COL4A1: variants seen among roughly 807,000 people sequenced by gnomAD.
COL4A1 encodes the protein collagen alpha-1(IV) chain.
In COL4A1, 40 loss-of-function variants were observed where a neutral mutation model predicts 216.6. The ratio of observed to expected loss-of-function variants is 0.18; its 90% CI spans 0.14 to 0.24. The LOEUF (loss-of-function observed/expected upper bound fraction) is 0.24, where lower values mean the gene tolerates loss of function less well. COL4A1 is among the 10% of genes least tolerant of loss of function. COL4A1 has a pLI of 1.00. For missense variants in COL4A1, 1,628 were observed against 2,196.8 expected, an observed-to-expected ratio of 0.74 and a Z score of 5.18; for synonymous variants, 839 against 810.7, an observed-to-expected ratio of 1.03 and a Z score of -0.59.
At chr13:110,221,818 C>G (rs1880493670) in intron 2 of COL4A1, among the ~76,000 whole-genome samples, 1 of 152,074 alleles carries the variant, frequency 6.6e-6, no homozygotes, top group South Asian at 2.1e-4. Context: ...CCAGAGCAGT[C>G]AGATTTCCAC....
chr13:110,304,800 A>T lies in COL4A1; in HGVS notation c.84+2144T>A, dbSNP rs553444002. 2.6e-5 allele frequency among the ~76,000 whole-genome samples: 4 copies of T among 152,380 alleles called. No individual in the cohort carries two copies. The South Asian group carries it at 8.3e-4, about 32-fold the overall frequency. On this transcript the variant is annotated intron_variant, in intron 1 of 51. Coordinates refer to ENST00000375820, the MANE Select transcript of COL4A1 (RefSeq NM_001845.6). ...ATTCATGCCTGGCACACAGCAGGTG[A>T]TGTCTGGATGTACAAATGCAGGTGA...
At chr13:110,263,319 T>C (rs1882900823) in intron 1 of COL4A1, among the ~76,000 whole-genome samples, 1 of 152,144 alleles carries the variant, frequency 6.6e-6, no homozygotes, top group Admixed American at 6.5e-5. Context: ...AATCAAGAAG[T>C]ATTGGGAAAA....
chr13:110,240,117 C>A (rs1221524528), intron 2 of COL4A1, among the ~76,000 whole-genome samples: 1 of 152,162 alleles, frequency 6.6e-6, no homozygotes, highest in Non-Finnish European at 1.5e-5. Flanking sequence ...CTTCTGAATC[C>A]ATTCAATCAT....
rs555633221 is a variant in COL4A1, at chr13:110,162,780, G to A, written c.4250-338C>T. Among the ~76,000 whole-genome samples the A allele has an allele frequency of 1.3e-4, 20 of 152,318 alleles. No individual in the cohort carries two copies. The South Asian group carries it at 1.7e-3, about 13-fold the overall frequency. ...GAATAAATGAAAATAAATGAATGAC[G>A]TGACTCTGTGCATGTCATTCACACG... On this transcript the variant is annotated intron_variant, in intron 47 of 51. Transcript: ENST00000375820.
intron 1 of COL4A1, among the ~76,000 whole-genome samples, chr13:110,280,777 G>A (rs1485661966): frequency 6.6e-6 from 1 of 152,132 alleles, no homozygotes; most frequent in Non-Finnish European, 1.5e-5. Flanking sequence ...GAATATAAAT[G>A]TGAAGGAGAA....
At chr13:110,305,224 C>T (rs1180790504) in intron 1 of COL4A1, among the ~76,000 whole-genome samples, 1 of 152,168 alleles carries the variant, frequency 6.6e-6, no homozygotes, top group Non-Finnish European at 1.5e-5. Flanking sequence ...TAAAAACAGT[C>T]CATGGCACCT....
rs1879574075 is a variant in COL4A1 at position 110,207,540 on chromosome 13, A to G, written c.694-51T>C. The G allele has an allele frequency of 1.4e-6, 2 of 1,479,316 alleles. No individual in the cohort carries two copies. Among genetic ancestry groups the G allele is most frequent in the African/African-American group, 2.8e-5 (2 of 72,298 alleles). 91.6% of individuals were successfully genotyped at this position (1,479,316 alleles called of 1,614,324 possible). ...ATTAGGCATGAAAACAATTATGCAG[A>G]CATGAAAAATTGCAGAGAGAGGTAA... On this transcript the variant is annotated intron_variant, in intron 12 of 51. Coordinates refer to ENST00000375820, the MANE Select transcript of COL4A1 (RefSeq NM_001845.6). The surrounding 1 kb of genome is among the most constrained non-coding windows in gnomAD (Gnocchi z 4.4).
intron 1 of COL4A1, among the ~76,000 whole-genome samples, chr13:110,291,906 T>G (rs1884104881): frequency 6.6e-6 from 1 of 152,188 alleles, no homozygotes; most frequent in Non-Finnish European, 1.5e-5. Flanking sequence ...AGATTCTACA[T>G]GGCGATGCTC....
At chr13:110,224,552 A>C (rs558780603) in intron 2 of COL4A1, among the ~76,000 whole-genome samples, 1 of 152,148 alleles carries the variant, frequency 6.6e-6, no homozygotes. Flanking sequence ...TGAACTCCTG[A>C]CCTCAGGTAA....
chr13:110,176,016 CT>C lies in COL4A1; in HGVS notation c.3058+407del, dbSNP rs1410136828. The stretch of plus-strand genomic sequence containing the variant: ...AGACACTGATGGCAAAGCATTAAGG[CT>C]AGTCCGGGATTGGAGCAGAGGAGTC... On this transcript the variant is annotated intron_variant, in intron 36 of 51. Transcript: ENST00000375820. 7.5e-3 allele frequency among the ~76,000 whole-genome samples: 1,147 copies of C among 152,278 alleles called. 13 individuals carry two copies. Among genetic ancestry groups the C allele is most frequent in the African/African-American group, 0.026 (1,060 of 41,554 alleles).
intron 1 of COL4A1, among the ~76,000 whole-genome samples, chr13:110,301,891 C>T (rs924372760): frequency 6.6e-6 from 1 of 152,114 alleles, no homozygotes; most frequent in African/African-American, 2.4e-5. Flanking sequence ...AGAGGGGGAA[C>T]CCCAGTGAGA....
intron 43 of COL4A1, among the ~76,000 whole-genome samples, chr13:110,167,868 T>C (rs186276004): frequency 4.7e-4 from 71 of 152,338 alleles, no homozygotes; most frequent in Non-Finnish European, 8.8e-4. Context: ...CGTAGATTTG[T>C]TTCTTAGCCT....
Position 110,152,437 on chromosome 13 carries a change from T to C in COL4A1, c.4825A>G (p.Arg1609Gly). The change falls in exon 51 of 52, where the codon AGA becomes GGA. Residue 1609 changes from arginine (R) to glycine (G), a missense_variant. Around this residue, in one of 8 missense-constraint regions of COL4A1, gnomAD observed 254 missense variants for 300.1 expected, o/e 0.85. Coordinates refer to ENST00000375820, the MANE Select transcript of COL4A1 (RefSeq NM_001845.6). ...TGACACTCGATGAATGGCGCACTTC[T>C]AAACTCCTCCAGGCAGGAGCCGGGG... ...ASPGSCLEEF[R>G]SAPFIECHGR... The C allele has an allele frequency of 6.2e-7, 1 of 1,614,164 alleles. No homozygotes were observed. Among genetic ancestry groups the C allele is most frequent in the Non-Finnish European group, 8.5e-7 (1 of 1,180,036 alleles).
At chr13:110,220,176 G>C (rs1880406248) in intron 2 of COL4A1, among the ~76,000 whole-genome samples, 2 of 151,944 alleles carry the variant, frequency 1.3e-5, no homozygotes, top group African/African-American at 4.8e-5. Context: ...AACCTCATGT[G>C]ATTTGTCCGC....
chr13:110,240,706 G>A (rs534577826), intron 2 of COL4A1, among the ~76,000 whole-genome samples: 26 of 152,350 alleles, frequency 1.7e-4, no homozygotes, highest in Non-Finnish European at 2.8e-4. Context: ...TAGCCCACTC[G>A]GAGTGGAAGC....
chr13:110,290,779 T>C (rs1354282749), intron 1 of COL4A1, among the ~76,000 whole-genome samples: 2 of 152,248 alleles, frequency 1.3e-5, no homozygotes, highest in Non-Finnish European at 2.9e-5. Context: ...TATAACTGGT[T>C]GTGATCAATG....
In COL4A1 at chr13:110,225,029, CT is replaced by C. The variant is rs113325782; in HGVS notation, c.145-11015del. On this transcript the variant is annotated intron_variant, in intron 2 of 51. Transcript: ENST00000375820. ...TCATTGGCAATTAAGAAAAACCTTT[CT>C]TTTTTTTTTCCTTAAAAATGTGTTA... is the stretch of plus-strand genomic sequence containing the variant. Among the ~76,000 whole-genome samples the C allele has an allele frequency of 2.1e-3, 316 of 149,834 alleles. 1 individual carries two copies. The highest frequency in any genetic ancestry group is 6.7e-3 in the African/African-American group (274 of 40,908).
chr13:110,260,819 G>A (rs1357127261), intron 1 of COL4A1, among the ~76,000 whole-genome samples: 1 of 152,030 alleles, frequency 6.6e-6, no homozygotes, highest in Non-Finnish European at 1.5e-5. Context: ...GGAGGCCGAG[G>A]CAGGCAGATC....
At chr13:110,267,912 C>T (rs1471447592) in intron 1 of COL4A1, among the ~76,000 whole-genome samples, 1 of 151,856 alleles carries the variant, frequency 6.6e-6, no homozygotes, top group Non-Finnish European at 1.5e-5. Context: ...ATATGTAGGT[C>T]AGGATTTTAA....
Sources: allele counts gnomAD v4.1 joint callset (sites outside exome capture counted in the v4.1 genomes callset), GRCh38; gene constraint gnomAD v4.1.1; regional missense constraint gnomAD v4.1.1; non-coding constraint Gnocchi (gnomAD v3.1); transcripts MANE v1.5; gene names NCBI Gene and HGNC (gene_info 2026-07-23, HGNC 2026-07-21).